Variants in DMP1 observed in about 807,000 individuals in gnomAD.
DMP1 encodes dentin matrix protein 1.
A neutral mutation model predicts 14.6 loss-of-function variants in DMP1; 20 were observed. The observed-to-expected ratio is 1.37, with a 90% CI of 0.96 to 1.99. The LOEUF is 1.99. Among genes scored for constraint, DMP1 ranks in the 30% most tolerant of loss-of-function variants. The probability of loss-of-function intolerance (pLI) is 0.00; values close to 1 mark genes in which losing one functional copy is unlikely to be tolerated. For synonymous variants in DMP1, 197 were observed against 215.3 expected (o/e 0.91, Z 0.75); for missense variants, 567 against 620.5 (o/e 0.91, Z 0.92).
At chr4:87,660,370 A>G (rs551660654) in intron 5 of DMP1, among the ~76,000 whole-genome samples, 99 of 152,312 alleles carry the variant, frequency 6.5e-4, no homozygotes, top group African/African-American at 2.3e-3. Flanking sequence ...GTAATGAGGT[A>G]TGGTGATTCC....
intron 1 of DMP1, among the ~76,000 whole-genome samples, chr4:87,653,434 C>CT (rs1182145125): frequency 2.3e-5 from 1 of 43,030 alleles, no homozygotes; most frequent in Non-Finnish European, 5.3e-5. Flanking sequence ...TATATATATA[C>CT]TTTTTTTTTG....
chr4:87,656,457 T>A lies in DMP1; in HGVS notation c.-21-15T>A. On this transcript the variant is annotated splice_polypyrimidine_tract_variant and intron_variant, in intron 1 of 5. Transcript: ENST00000339673. ...CCTTTAACATGGAGAGAAACATCTA[T>A]GTCCTTCATTCCAGGTAGAGGTATC... 5 of 1,426,832 alleles carry A rather than the reference T, an allele frequency of 3.5e-6. No individual in the cohort carries two copies. The highest frequency in any genetic ancestry group is 5.0e-6 in the Non-Finnish European group (5 of 1,009,194). The allele number at this position is 1,426,832 out of a possible 1,614,324, so 88.4% of individuals were successfully genotyped here. A position where few individuals can be genotyped will look rare whatever the true frequency, so the allele number is the denominator to read the frequency against.
In DMP1 at chr4:87,659,317, C is replaced by T. The variant is rs374276665; in HGVS notation, c.135+65C>T. The stretch of plus-strand genomic sequence containing the variant: ...AGTAACTTTAACACTCTTCCAGTTG[C>T]CTTTTACAATTTTGAAAGTAGTAAA... On this transcript the variant is annotated intron_variant, in intron 4 of 5. Coordinates refer to ENST00000339673, the MANE Select transcript of DMP1 (RefSeq NM_004407.4). 4.5e-5 allele frequency: 72 copies of T among 1,600,804 alleles called. No homozygotes were observed. The East Asian group carries it at 1.5e-3, about 33-fold the overall frequency.
intron 1 of DMP1, among the ~76,000 whole-genome samples, chr4:87,650,847 A>G (rs1728516509): frequency 6.6e-6 from 1 of 152,180 alleles, no homozygotes; most frequent in Non-Finnish European, 1.5e-5. Flanking sequence ...ATTCATCTAG[A>G]GAGCATCTAG....
chr4:87,655,157 A>G (rs1406745531), intron 1 of DMP1, among the ~76,000 whole-genome samples: 1 of 152,216 alleles, frequency 6.6e-6, no homozygotes, highest in Non-Finnish European at 1.5e-5. Context: ...AATGAAACAA[A>G]TCGACAAACG....
Position 87,662,253 on chromosome 4 carries a change from C to A in DMP1, c.475C>A (p.Gln159Lys), listed in dbSNP as rs79402270. Residue 159 changes from glutamine to lysine, a missense_variant, in exon 6 of 6, where the codon CAA (glutamine) becomes AAA (lysine). Physicochemically the swap from Gln to Lys is moderately conservative, Grantham distance 53. Coordinates refer to ENST00000339673, the MANE Select transcript of DMP1 (RefSeq NM_004407.4). ...TGCCCCACAAGGGCAAGACAGTGCC[C>A]AAGATACCACCAGTGAGAGCAGGGA... ...ESAPQGQDSA[Q>K]DTTSESRELD... The A allele has an allele frequency of 5.4e-3, 8,764 of 1,614,116 alleles. 235 individuals are homozygous for A. In the Admixed American group the frequency reaches 0.057, roughly 11 times the overall value.
At chr4:87,660,318 G>A (rs562476972) in intron 5 of DMP1, among the ~76,000 whole-genome samples, 1 of 152,334 alleles carries the variant, frequency 6.6e-6, no homozygotes, top group East Asian at 1.9e-4. Flanking sequence ...TCAAGGGTCT[G>A]TAAGCTTTCA....
intron 1 of DMP1, among the ~76,000 whole-genome samples, chr4:87,652,712 C>A (rs929747843): frequency 4.6e-5 from 7 of 152,086 alleles, no homozygotes; most frequent in African/African-American, 1.7e-4. Context: ...ACAATGGCAT[C>A]CCCAGTTTTC....
rs769988147 is a variant in DMP1 at position 87,662,861 on chromosome 4, T to A, written c.1083T>A (p.Ser361Arg). 1 of 1,613,336 alleles carries A rather than the reference T, an allele frequency of 6.2e-7. No homozygotes were observed. The highest frequency in any genetic ancestry group is 2.2e-5 in the East Asian group (1 of 44,858). Residue 361 changes from serine to arginine, a missense_variant, in exon 6 of 6, where the codon AGT becomes AGA. Transcript: ENST00000339673. Reference protein sequence around the residue: ...NSSESQEEVVSESRGDNPDPT... With the variant: ...NSSESQEEVVRESRGDNPDPT... ...GTGAGTCTCAGGAAGAGGTGGTGAG[T>A]GAGTCCAGGGGAGATAACCCCGACC...
At position 87,660,334 on chromosome 4, in the gene DMP1, C is replaced by T. The variant is rs990669856; in HGVS notation, c.183+856C>T. On this transcript the variant is annotated intron_variant, in intron 5 of 5. Transcript: ENST00000339673. ...CAAGGGTCTGTAAGCTTTCAAGTTA[C>T]GGTAGCAATTCCTGCTTGAGAAAGG... is the stretch of plus-strand genomic sequence containing the variant. Among the ~76,000 whole-genome samples, 11 of 152,142 alleles carry T rather than the reference C, an allele frequency of 7.2e-5. No homozygotes were observed. The South Asian group carries it at 1.4e-3, about 20-fold the overall frequency.
At position 87,656,514 on chromosome 4, in the gene DMP1, A is replaced by C. The variant is rs751314577; in HGVS notation, c.22A>C (p.Met8Leu). 3 of 1,610,370 alleles carry C rather than the reference A, an allele frequency of 1.9e-6. No homozygotes were observed. In the African/African-American group the frequency reaches 4.0e-5, roughly 22 times the overall value. Residue 8 changes from methionine (M) to leucine (L), a missense_variant, in exon 2 of 6, where the codon ATG becomes CTG. Met to Leu is a conservative substitution (Grantham distance 15). Transcript: ENST00000339673. ...AACTATGAAGATCAGCATCCTGCTCATGTTCCTTTGGGGATTATCCTGTGC... is the reference window on the plus strand; with the variant it reads ...AACTATGAAGATCAGCATCCTGCTCCTGTTCCTTTGGGGATTATCCTGTGC... MKISILL[M>L]FLWGLSCALP...
rs775172310 is a variant in DMP1, at chr4:87,663,185, G to A, written c.1407G>A (p.Thr469=). The A allele has an allele frequency of 3.1e-5, 50 of 1,614,012 alleles. No homozygotes were observed. In the Admixed American group the frequency reaches 3.7e-4, roughly 12 times the overall value. Residue 469 remains threonine (T), a synonymous_variant, in exon 6 of 6, where the codon ACG becomes ACA. Coordinates refer to ENST00000339673, the MANE Select transcript of DMP1 (RefSeq NM_004407.4). ...SSRSKEDSNS[T]ESKSSSEEDG... ...GATCCAAAGAAGATAGCAACTCCAC[G>A]GAGAGCAAATCAAGCAGTGAGGAAG...
Position 87,662,588 on chromosome 4 carries a change from G to A in DMP1, c.810G>A (p.Lys270=), listed in dbSNP as rs1415982839. 1 of 1,614,118 alleles carries A rather than the reference G, an allele frequency of 6.2e-7. No individual in the cohort carries two copies. Among genetic ancestry groups the A allele is most frequent in the Admixed American group, 1.7e-5 (1 of 60,022 alleles). ...LEHPSRKIFR[K]SRISEEDDRS... is the part of the protein sequence containing the mutation. ...ATCCCAGTAGGAAAATTTTTAGGAA[G>A]TCTCGCATCTCAGAGGAAGATGACA... Residue 270 remains lysine (K), a synonymous_variant, in exon 6 of 6, where the codon AAG becomes AAA. Transcript: ENST00000339673.
At position 87,663,506 on chromosome 4, in the gene DMP1, C is replaced by A. The variant is rs1328336841; in HGVS notation, c.*186C>A. The A allele has an allele frequency of 2.3e-5, 19 of 818,286 alleles. No individual in the cohort carries two copies. Among genetic ancestry groups the A allele is most frequent in the Non-Finnish European group, 3.7e-5 (19 of 519,274 alleles). The allele number at this position is 818,286 out of a possible 1,614,324, so 50.7% of individuals were successfully genotyped here. The stretch of plus-strand genomic sequence containing the variant: ...TCATCATTTCACAGAGGTTTAAATA[C>A]TGTGGAGTGACACCAGAACACAGCC... On this transcript the variant is annotated 3_prime_UTR_variant, in exon 6 of 6. Coordinates refer to ENST00000339673, the MANE Select transcript of DMP1 (RefSeq NM_004407.4).
chr4:87,661,949 C>T lies in DMP1; in HGVS notation c.184-13C>T, dbSNP rs748111586. 20 of 1,613,972 alleles carry T rather than the reference C, an allele frequency of 1.2e-5. No homozygotes were observed. The Admixed American group carries it at 2.2e-4, about 17-fold the overall frequency. ...CTGGAATACTGACCATATCTGTTAA[C>T]CCCAAATTCTAGGCAAATGAAGACC... On this transcript the variant is annotated splice_polypyrimidine_tract_variant and intron_variant, in intron 5 of 5. Coordinates refer to ENST00000339673, the MANE Select transcript of DMP1 (RefSeq NM_004407.4).
intron 1 of DMP1, among the ~76,000 whole-genome samples, chr4:87,651,845 C>T (rs1451484946): frequency 6.6e-6 from 1 of 152,116 alleles, no homozygotes; most frequent in Non-Finnish European, 1.5e-5. Context: ...AAAAAAGAGT[C>T]TATGACTTTT....
At chr4:87,653,722 TA>T (rs1243747538) in intron 1 of DMP1, among the ~76,000 whole-genome samples, 1 of 152,124 alleles carries the variant, frequency 6.6e-6, no homozygotes, top group Non-Finnish European at 1.5e-5. Flanking sequence ...TTGGCATTTT[TA>T]AAACTCTTCC....
rs377414504 is a variant in DMP1, at chr4:87,663,312, G to T, written c.1534G>T (p.Gly512Cys). 6.3e-5 allele frequency: 102 copies of T among 1,614,044 alleles called. No individual in the cohort carries two copies. The highest frequency in any genetic ancestry group is 8.6e-5 in the Non-Finnish European group (101 of 1,180,018). ...CCAAGATGACAATGACTGCCAAGAC[G>T]GCTATTAGCATCAGCTGTCCTAAGA... is the stretch of plus-strand genomic sequence containing the variant. The part of the protein sequence containing the change: ...GDQDDNDCQD[G>C]Y Residue 512 changes from glycine to cysteine, a missense_variant, in exon 6 of 6, where the codon GGC (glycine) becomes TGC (cysteine). Transcript: ENST00000339673.
intron 1 of DMP1, among the ~76,000 whole-genome samples, chr4:87,652,167 G>T (rs1230724026): frequency 6.6e-6 from 1 of 152,136 alleles, no homozygotes; most frequent in Non-Finnish European, 1.5e-5. Flanking sequence ...ACTGTAGAAT[G>T]ACAGCATGTA....
Sources: gnomAD v4.1 joint callset for allele counts (sites outside exome capture counted in the v4.1 genomes callset) on GRCh38, gnomAD v4.1.1 for gene constraint, MANE v1.5 for transcripts, NCBI Gene and HGNC (gene_info 2026-07-23, HGNC 2026-07-21) for gene names.